IL2RA: variants seen among roughly 807,000 people sequenced by gnomAD.
The protein encoded by IL2RA is interleukin 2 receptor subunit alpha.
A neutral mutation model predicts 37.8 loss-of-function variants in IL2RA; 24 were observed. That is an observed-to-expected ratio of 0.63 (90% CI 0.46 to 0.89). The LOEUF (loss-of-function observed/expected upper bound fraction) is 0.89. Among genes scored for constraint, IL2RA ranks in the 40% least tolerant of loss-of-function variants. The pLI, the probability that IL2RA is intolerant of heterozygous loss-of-function variation, is 0.00. For synonymous variants in IL2RA, 125 were observed against 114.6 expected (o/e 1.09, Z -0.58); for missense variants, 319 against 348.6 (o/e 0.92, Z 0.68).
Position 6,054,347 on chromosome 10 carries a change from G to A in IL2RA, c.64+7741C>T, listed in dbSNP as rs545234229. ...AACAAGACCCAGGAACTCTTTGGCTGCCATCCAGGGTCATGTGGTGCTGGT... is the reference window on the plus strand; with the variant it reads ...AACAAGACCCAGGAACTCTTTGGCTACCATCCAGGGTCATGTGGTGCTGGT... On this transcript the variant is annotated intron_variant, in intron 1 of 7. Coordinates refer to ENST00000379959, the MANE Select transcript of IL2RA (RefSeq NM_000417.3). The surrounding 1 kb of genome is among the most constrained non-coding windows in gnomAD (Gnocchi z 4.5). 1.3e-5 allele frequency among the ~76,000 whole-genome samples: 2 copies of A among 152,296 alleles called. No homozygotes were observed. The highest frequency in any genetic ancestry group is 6.5e-5 in the Admixed American group (1 of 15,298).
At chr10:6,030,044 A>C (rs951042144) in intron 1 of IL2RA, among the ~76,000 whole-genome samples, 1 of 152,220 alleles carries the variant, frequency 6.6e-6, no homozygotes, top group Admixed American at 6.5e-5. Context: ...AAAAGTTACA[A>C]TATCTGAAAT....
At position 6,012,669 on chromosome 10, in the gene IL2RA, T is replaced by G; in HGVS notation, c.*203A>C. 1.6e-6 allele frequency: 1 copy of G among 640,644 alleles called. No homozygotes were observed. The highest frequency in any genetic ancestry group is 2.7e-5 in the East Asian group (1 of 36,690). 39.7% of individuals were successfully genotyped at this position (640,644 alleles called of 1,614,324 possible). ...CTATTTAGAAGTGGGTAGCGCTCGCTCTCTGATGGGACTGAGCTGGCATAG... is the reference window on the plus strand; with the variant it reads ...CTATTTAGAAGTGGGTAGCGCTCGCGCTCTGATGGGACTGAGCTGGCATAG... On this transcript the variant is annotated 3_prime_UTR_variant, in exon 8 of 8. Transcript: ENST00000379959. The surrounding 1 kb of genome is among the most constrained non-coding windows in gnomAD (Gnocchi z 4.8).
Position 6,021,024 on chromosome 10 carries a change from T to A in IL2RA, c.583+454A>T, listed in dbSNP as rs1450790901. Among the ~76,000 whole-genome samples the A allele has an allele frequency of 6.6e-6, 1 of 152,066 alleles. No individual in the cohort carries two copies. On this transcript the variant is annotated intron_variant, in intron 4 of 7. Coordinates refer to ENST00000379959, the MANE Select transcript of IL2RA (RefSeq NM_000417.3). The surrounding 1 kb of genome is among the most constrained non-coding windows in gnomAD (Gnocchi z 4.9). ...TATTTTTACAAGCTCAGCTGGGGAATGGCACAAGGGGAAGGAACATGCTGA... is the reference window on the plus strand; with the variant it reads ...TATTTTTACAAGCTCAGCTGGGGAAAGGCACAAGGGGAAGGAACATGCTGA...
rs1354183767 is a variant in IL2RA at position 6,031,469 on chromosome 10, T to C, written c.65-5444A>G. 3.4e-4 allele frequency among the ~76,000 whole-genome samples: 6 copies of C among 17,472 alleles called. 1 individual carries two copies. The highest frequency in any genetic ancestry group is 1.4e-3 in the African/African-American group (5 of 3,514). The allele number at this position is 17,472 out of a possible 152,430, so 11.5% of individuals were successfully genotyped here. A position where few individuals can be genotyped will look rare whatever the true frequency, so the allele number is the denominator to read the frequency against. Reference sequence around the variant, plus strand: ...ATATATATATACATATATATATATATATATATATATATATATATATATATG... The same window carrying C: ...ATATATATATACATATATATATATACATATATATATATATATATATATATG... On this transcript the variant is annotated intron_variant, in intron 1 of 7. Transcript: ENST00000379959.
rs913761261 is a variant in IL2RA at position 6,025,604 on chromosome 10, C to T, written c.256+230G>A. 9.9e-5 allele frequency among the ~76,000 whole-genome samples: 15 copies of T among 151,464 alleles called. No homozygotes were observed. Among genetic ancestry groups the T allele is most frequent in the East Asian group, 3.9e-4 (2 of 5,170 alleles). On this transcript the variant is annotated intron_variant, in intron 2 of 7. Coordinates refer to ENST00000379959, the MANE Select transcript of IL2RA (RefSeq NM_000417.3). This position sits in a 1 kb window ranked among gnomAD's most constrained non-coding sequence, Gnocchi z 4.4. ...CCAGGAGGCGGAAGTTGCAGTGAGCCGAGATCGCGTGCCATTGCACTCCAG... is the reference window on the plus strand; with the variant it reads ...CCAGGAGGCGGAAGTTGCAGTGAGCTGAGATCGCGTGCCATTGCACTCCAG...
At chr10:6,043,014 G>T (rs937262609) in intron 1 of IL2RA, among the ~76,000 whole-genome samples, 7 of 152,124 alleles carry the variant, frequency 4.6e-5, no homozygotes, top group African/African-American at 1.7e-4. Context: ...TCACTTCTAG[G>T]TATATTCCTA....
intron 1 of IL2RA, among the ~76,000 whole-genome samples, chr10:6,061,186 C>T (rs1840116493): frequency 6.6e-6 from 1 of 151,936 alleles, no homozygotes; most frequent in African/African-American, 2.4e-5. Flanking sequence ...CCCAGGAGTT[C>T]AAGACCAGCT....
intron 1 of IL2RA, among the ~76,000 whole-genome samples, chr10:6,038,939 TAAA>T (rs981885323): frequency 6.6e-6 from 1 of 151,904 alleles, no homozygotes; most frequent in Non-Finnish European, 1.5e-5. Flanking sequence ...AAAGAGAAGG[TAAA>T]AAATAAAGAA....
intron 3 of IL2RA, among the ~76,000 whole-genome samples, chr10:6,023,680 A>G (rs1357070205): frequency 1.3e-5 from 2 of 152,236 alleles, no homozygotes; most frequent in Admixed American, 1.3e-4. Flanking sequence ...GTCGTGGGAA[A>G]GCAGAGGGCA....
intron 1 of IL2RA, among the ~76,000 whole-genome samples, chr10:6,037,166 G>A (rs764754828): frequency 1.7e-4 from 26 of 152,292 alleles, no homozygotes; most frequent in South Asian, 2.1e-4. Flanking sequence ...CTCACTCAGC[G>A]TCTAACAGGG....
intron 2 of IL2RA, among the ~76,000 whole-genome samples, 188 bp from the exon 3 acceptor site, chr10:6,024,542 A>G (rs1372333523): frequency 6.6e-6 from 1 of 152,220 alleles, no homozygotes; most frequent in Non-Finnish European, 1.5e-5. Flanking sequence ...TGGGTATTCA[A>G]GTGCATATGG....
chr10:6,040,451 G>C (rs1419303827), intron 1 of IL2RA, among the ~76,000 whole-genome samples: 1 of 152,162 alleles, frequency 6.6e-6, no homozygotes, highest in Non-Finnish European at 1.5e-5. Flanking sequence ...CACCATGGTT[G>C]AATTTGAATA....
At position 6,019,738 on chromosome 10, in the gene IL2RA, C is replaced by T. The variant is rs751011608; in HGVS notation, c.655+132G>A. 11 of 911,034 alleles carry T rather than the reference C, an allele frequency of 1.2e-5. No homozygotes were observed. The highest frequency in any genetic ancestry group is 1.8e-5 in the Non-Finnish European group (10 of 548,616). 56.4% of individuals were successfully genotyped at this position (911,034 alleles called of 1,614,324 possible). ...AGGTTGCTGAGGCCCTGTCCCTGCTCAGAGGGAGAGGAGGCTGCTGTGGGC... is the reference window on the plus strand; with the variant it reads ...AGGTTGCTGAGGCCCTGTCCCTGCTTAGAGGGAGAGGAGGCTGCTGTGGGC... On this transcript the variant is annotated intron_variant, in intron 5 of 7. Coordinates refer to ENST00000379959, the MANE Select transcript of IL2RA (RefSeq NM_000417.3).
At chr10:6,043,859 G>A (rs1024983552) in intron 1 of IL2RA, among the ~76,000 whole-genome samples, 8 of 152,212 alleles carry the variant, frequency 5.3e-5, no homozygotes, top group African/African-American at 1.9e-4. Flanking sequence ...TTCTGTATTG[G>A]TTGAAATTTT....
At chr10:6,027,760 G>T (rs1161689086) in intron 1 of IL2RA, among the ~76,000 whole-genome samples, 4 of 152,114 alleles carry the variant, frequency 2.6e-5, no homozygotes, top group Non-Finnish European at 5.9e-5. Context: ...ATAGAGACTG[G>T]ACTGAAGTTT....
intron 2 of IL2RA, among the ~76,000 whole-genome samples, chr10:6,024,778 C>T (rs1333160415): frequency 1.3e-5 from 2 of 152,228 alleles, no homozygotes; most frequent in Admixed American, 6.5e-5. Flanking sequence ...TGATCCTTTG[C>T]TCCCTAAGGC....
chr10:6,027,835 G>T (rs774498737), intron 1 of IL2RA, among the ~76,000 whole-genome samples: 26 of 152,228 alleles, frequency 1.7e-4, no homozygotes, highest in Non-Finnish European at 3.4e-4. Flanking sequence ...GGTACCATTT[G>T]TTGGCACTTA....
At position 6,047,803 on chromosome 10, in the gene IL2RA, GTATAT is replaced by G. The variant is rs1006114346; in HGVS notation, c.64+14280_64+14284del. ...TATAGTATACTCATTAATATAATTA[GTATAT>G]TATATGATAAATATATATAATAAAA... is the stretch of plus-strand genomic sequence containing the variant. On this transcript the variant is annotated intron_variant, in intron 1 of 7. Transcript: ENST00000379959. This position sits in a 1 kb window ranked among gnomAD's most constrained non-coding sequence, Gnocchi z 5.0. 8.3e-5 allele frequency among the ~76,000 whole-genome samples: 12 copies of G among 144,892 alleles called. No homozygotes were observed. The highest frequency in any genetic ancestry group is 1.7e-4 in the African/African-American group (7 of 40,340).
intron 1 of IL2RA, among the ~76,000 whole-genome samples, chr10:6,059,981 T>C (rs11597542): frequency 1.1e-3 from 161 of 152,276 alleles, no homozygotes; most frequent in Middle Eastern, 6.8e-3. Context: ...TATGGATAGA[T>C]GTTGAGAATG....
Sources: gnomAD v4.1 joint callset for allele counts (sites outside exome capture counted in the v4.1 genomes callset) on GRCh38, gnomAD v4.1.1 for gene constraint, Gnocchi (gnomAD v3.1) non-coding constraint, MANE v1.5 for transcripts, NCBI Gene and HGNC (gene_info 2026-07-23, HGNC 2026-07-21) for gene names.